The following SND1 variants were observed in gnomAD, a reference collection of about 807,000 sequenced individuals.
SND1 encodes staphylococcal nuclease and tudor domain containing 1, also known as staphylococcal nuclease domain-containing protein 1.
Under a neutral mutation model 121.7 loss-of-function variants are expected in SND1, and 38 were observed. That is an observed-to-expected ratio of 0.31 (90% CI 0.24 to 0.41). The LOEUF (loss-of-function observed/expected upper bound fraction) is 0.41, where lower values mean the gene tolerates loss of function less well. Among genes scored for constraint, SND1 ranks in the 10% least tolerant of loss-of-function variants. SND1 has a pLI of 1.00. For missense variants in SND1, 868 were observed against 1,184.6 expected (o/e 0.73, Z 3.92); for synonymous variants, 401 against 447.4 (o/e 0.90, Z 1.31).
rs548348402 is a variant in SND1, at chr7:127,993,603, G to A, written c.1779+2547G>A. On this transcript the variant is annotated intron_variant, in intron 16 of 23. Coordinates refer to ENST00000354725, the MANE Select transcript of SND1 (RefSeq NM_014390.4). Reference sequence around the variant, plus strand: ...ATGGCCGCAGTTGAACTGGTTTTTTGTGCCTTTTACCTGTTCCCTTGATCA... The same window carrying A: ...ATGGCCGCAGTTGAACTGGTTTTTTATGCCTTTTACCTGTTCCCTTGATCA... 1.3e-5 allele frequency among the ~76,000 whole-genome samples: 2 copies of A among 152,352 alleles called. 1 individual carries two copies. The highest frequency in any genetic ancestry group is 4.1e-4 in the South Asian group (2 of 4,834).
chr7:127,682,744 C>T (rs1467577329), intron 1 of SND1, among the ~76,000 whole-genome samples: 1 of 152,152 alleles, frequency 6.6e-6, no homozygotes, highest in Non-Finnish European at 1.5e-5. Context: ...TGTCTGTCTC[C>T]CCCTACTAGA....
At chr7:127,795,738 A>C (rs1413352200) in intron 10 of SND1, among the ~76,000 whole-genome samples, 1 of 152,220 alleles carries the variant, frequency 6.6e-6, no homozygotes, top group African/African-American at 2.4e-5. Context: ...CTAACATTAG[A>C]CGCAGGCTGC....
intron 14 of SND1, among the ~76,000 whole-genome samples, chr7:127,914,523 A>C (rs900510277): frequency 4.6e-5 from 7 of 152,114 alleles, no homozygotes; most frequent in African/African-American, 1.7e-4. Flanking sequence ...ATATGTGTGC[A>C]TTGGTTTTCC....
Position 127,816,678 on chromosome 7 carries a change from T to C in SND1, c.1242+9105T>C, listed in dbSNP as rs79724266. ...TCTCAAACTCTTTTTTTTTTTTTTT[T>C]TTTGTAACAGTGTCTCGCTCTGTCA... On this transcript the variant is annotated intron_variant, in intron 11 of 23. Transcript: ENST00000354725. Among the ~76,000 whole-genome samples, 423 of 151,260 alleles carry C rather than the reference T, an allele frequency of 2.8e-3. 1 individual carries two copies. Among genetic ancestry groups the C allele is most frequent in the African/African-American group, 1.0e-2 (409 of 41,082 alleles).
At chr7:128,039,548 G>A (rs986978901) in intron 16 of SND1, among the ~76,000 whole-genome samples, 2 of 152,064 alleles carry the variant, frequency 1.3e-5, no homozygotes, top group Non-Finnish European at 2.9e-5. Flanking sequence ...GGTGTCTCCA[G>A]TTCTCAATTT....
intron 10 of SND1, among the ~76,000 whole-genome samples, chr7:127,766,550 C>G (rs181335139): frequency 8.6e-5 from 13 of 151,824 alleles, no homozygotes; most frequent in East Asian, 3.9e-4. Context: ...CCAAGGCGGG[C>G]GAATCACGAG....
intron 15 of SND1, among the ~76,000 whole-genome samples, chr7:127,943,897 C>G (rs1214928637): frequency 6.6e-6 from 1 of 152,150 alleles, no homozygotes; most frequent in Admixed American, 6.5e-5. Context: ...ATTTGTTAAC[C>G]CGTTGGAGGG....
chr7:127,917,628 G>T (rs944936937), intron 14 of SND1, among the ~76,000 whole-genome samples: 7 of 152,118 alleles, frequency 4.6e-5, no homozygotes, highest in African/African-American at 1.7e-4. Flanking sequence ...CTGCTATGTT[G>T]CCAGAGCTGA....
At chr7:127,983,433 C>G (rs923848091) in intron 15 of SND1, among the ~76,000 whole-genome samples, 1 of 152,130 alleles carries the variant, frequency 6.6e-6, no homozygotes, top group Non-Finnish European at 1.5e-5. Flanking sequence ...TACAGCATTC[C>G]TGCCTGGGGT....
At chr7:127,789,632 A>G (rs1335520394) in intron 10 of SND1, among the ~76,000 whole-genome samples, 1 of 152,234 alleles carries the variant, frequency 6.6e-6, no homozygotes, top group Non-Finnish European at 1.5e-5. Context: ...GCATACTGCA[A>G]TAAAAAGGCA....
intron 9 of SND1, 38 bp downstream of exon 9, chr7:127,707,685 A>G: frequency 2.0e-6 from 3 of 1,508,626 alleles, no homozygotes; most frequent in Non-Finnish European, 1.8e-6. Context: ...CATAGTGGAC[A>G]TTGCCAGGCG....
At chr7:127,672,569 C>T (rs1162710155) in intron 1 of SND1, among the ~76,000 whole-genome samples, 2 of 151,452 alleles carry the variant, frequency 1.3e-5, no homozygotes, top group Non-Finnish European at 2.9e-5. Context: ...GCCGAGATCG[C>T]ACCACTGCAC....
chr7:127,878,296 G>T (rs1331237155), intron 12 of SND1, among the ~76,000 whole-genome samples: 1 of 152,176 alleles, frequency 6.6e-6, no homozygotes, highest in Non-Finnish European at 1.5e-5. Context: ...TACTCTGAAT[G>T]CTCCTTAAAT....
chr7:127,760,164 T>C (rs1797277568), intron 10 of SND1, among the ~76,000 whole-genome samples: 1 of 152,220 alleles, frequency 6.6e-6, no homozygotes, highest in Admixed American at 6.5e-5. Context: ...CCCTTCATGA[T>C]TTGGATTTGC....
chr7:127,926,870 C>T (rs1055535459), intron 14 of SND1, among the ~76,000 whole-genome samples: 2 of 152,048 alleles, frequency 1.3e-5, no homozygotes, highest in Admixed American at 6.6e-5. Flanking sequence ...AGATTACAGG[C>T]ATGAGCCACC....
chr7:127,932,500 A>G (rs1319803888), intron 15 of SND1, among the ~76,000 whole-genome samples: 1 of 152,254 alleles, frequency 6.6e-6, no homozygotes, highest in Admixed American at 6.5e-5. Flanking sequence ...AATGACAACA[A>G]AGGATTCAGA....
intron 12 of SND1, among the ~76,000 whole-genome samples, chr7:127,877,531 T>C (rs766442100): frequency 1.1e-4 from 16 of 152,074 alleles, no homozygotes; most frequent in Non-Finnish European, 2.1e-4. Flanking sequence ...TTCTCAGAGA[T>C]ACCTTGGAGC....
At chr7:128,087,535 A>G (rs543186843) in intron 21 of SND1, among the ~76,000 whole-genome samples, 12 of 152,324 alleles carry the variant, frequency 7.9e-5, no homozygotes, top group Non-Finnish European at 1.6e-4. Flanking sequence ...AGACAATTGT[A>G]ACAGTCCAGG....
intron 15 of SND1, among the ~76,000 whole-genome samples, chr7:127,942,753 T>A (rs1432196252): frequency 1.3e-5 from 2 of 152,214 alleles, no homozygotes; most frequent in Non-Finnish European, 1.5e-5. Flanking sequence ...TGATAGAAAC[T>A]ATTTTTATTT....
Sources: gnomAD v4.1 joint callset for allele counts (sites outside exome capture counted in the v4.1 genomes callset) on GRCh38, gnomAD v4.1.1 for gene constraint, MANE v1.5 for transcripts, NCBI Gene and HGNC (gene_info 2026-07-23, HGNC 2026-07-21) for gene names.